WWOX: variants seen among roughly 807,000 people sequenced by gnomAD.
WWOX encodes the protein WW domain-containing oxidoreductase.
In WWOX, 69 loss-of-function variants were observed where a neutral mutation model predicts 46.2. The ratio of observed to expected loss-of-function variants is 1.49; its 90% CI spans 1.23 to 1.82. The LOEUF (loss-of-function observed/expected upper bound fraction) is 1.82. WWOX is among the 40% of genes most tolerant of loss of function. WWOX has a pLI of 0.00. For synonymous variants in WWOX, 359 were observed against 202.6 expected, an observed-to-expected ratio of 1.77 and a Z score of -6.56; for missense variants, 919 against 542.6, an observed-to-expected ratio of 1.69 and a Z score of -6.89.
chr16:78,338,796 G>A (rs1250576775), intron 5 of WWOX, among the ~76,000 whole-genome samples: 1 of 120,002 alleles, frequency 8.3e-6, no homozygotes, highest in Non-Finnish European at 2.0e-5. Flanking sequence ...GTTTTGCTAT[G>A]CCATTCATTC....
chr16:79,134,091 G>GT lies in WWOX; in HGVS notation c.1057-77508dup, dbSNP rs201777662. On this transcript the variant is annotated intron_variant, in intron 8 of 8. Transcript: ENST00000566780. ...TTGTCACTATGAAGAATGGGCCTGT[G>GT]TTTTTTTTTAAAAATATGCTGATCT... Among the ~76,000 whole-genome samples the GT allele has an allele frequency of 2.3e-3, 340 of 151,084 alleles. 1 individual carries two copies. Among genetic ancestry groups the GT allele is most frequent in the African/African-American group, 7.7e-3 (319 of 41,178 alleles).
chr16:78,992,035 G>A (rs1194256430), intron 8 of WWOX, among the ~76,000 whole-genome samples: 1 of 152,164 alleles, frequency 6.6e-6, no homozygotes, highest in Non-Finnish European at 1.5e-5. Flanking sequence ...CCCACTTTCA[G>A]GCTCTCCTTT....
At chr16:78,409,043 C>A (rs1028332482) in intron 6 of WWOX, among the ~76,000 whole-genome samples, 3 of 152,170 alleles carry the variant, frequency 2.0e-5, no homozygotes, top group African/African-American at 2.4e-5. Flanking sequence ...AAGGCTGCTG[C>A]TTATAGCTCT....
In WWOX at chr16:79,053,374, C is replaced by T. The variant is rs981964639; in HGVS notation, c.1057-158234C>T. Among the ~76,000 whole-genome samples, 4 of 152,124 alleles carry T rather than the reference C, an allele frequency of 2.6e-5. No individual in the cohort carries two copies. In the South Asian group the frequency reaches 6.2e-4, roughly 24 times the overall value. The stretch of plus-strand genomic sequence containing the variant: ...ACGTGGCCCTGCTTCTTAGTGCGCA[C>T]GTAAAGAAACAATCCTGGAGTGAAT... On this transcript the variant is annotated intron_variant, in intron 8 of 8. Transcript: ENST00000566780.
intron 8 of WWOX, among the ~76,000 whole-genome samples, chr16:78,920,509 C>G (rs981501966): frequency 3.9e-5 from 6 of 152,170 alleles, no homozygotes; most frequent in African/African-American, 1.2e-4. Flanking sequence ...ATCCCCAACC[C>G]AGCCCTCCTT....
chr16:79,195,279 C>G (rs1321364986), intron 8 of WWOX, among the ~76,000 whole-genome samples: 4 of 151,982 alleles, frequency 2.6e-5, no homozygotes, highest in Non-Finnish European at 4.4e-5. Flanking sequence ...ACGTAGCAAG[C>G]AGGATGGGGT....
intron 8 of WWOX, among the ~76,000 whole-genome samples, chr16:79,163,478 G>A (rs1330959309): frequency 6.6e-6 from 1 of 152,152 alleles, no homozygotes; most frequent in Non-Finnish European, 1.5e-5. Context: ...CTTGCACACA[G>A]TCAGTAATCA....
At chr16:78,964,421 T>G (rs1300821872) in intron 8 of WWOX, among the ~76,000 whole-genome samples, 1 of 152,172 alleles carries the variant, frequency 6.6e-6, no homozygotes. Context: ...CTGGCAGCAT[T>G]TTGCCCCTGC....
intron 5 of WWOX, among the ~76,000 whole-genome samples, chr16:78,299,981 C>T (rs1320557412): frequency 2.0e-5 from 3 of 152,124 alleles, no homozygotes; most frequent in Non-Finnish European, 4.4e-5. Context: ...AAAGGCTTGG[C>T]CGCAGTGTTG....
At chr16:78,420,390 TAAAC>T (rs1381220314) in intron 6 of WWOX, among the ~76,000 whole-genome samples, 1 of 152,106 alleles carries the variant, frequency 6.6e-6, no homozygotes, top group African/African-American at 2.4e-5. Context: ...GGTGAATGGA[TAAAC>T]AAAGCGTGGT....
At chr16:79,012,925 C>G (rs1412224808) in intron 8 of WWOX, among the ~76,000 whole-genome samples, 2 of 152,184 alleles carry the variant, frequency 1.3e-5, no homozygotes, top group African/African-American at 2.4e-5. Flanking sequence ...GGTGTGGTGG[C>G]TCATGCCTGT....
At chr16:78,502,140 C>T (rs1343865915) in intron 8 of WWOX, among the ~76,000 whole-genome samples, 2 of 152,216 alleles carry the variant, frequency 1.3e-5, no homozygotes, top group East Asian at 1.9e-4. Context: ...CAGGGCCTAT[C>T]TGCCCTTAGC....
chr16:79,118,507 G>A (rs185942955), intron 8 of WWOX, among the ~76,000 whole-genome samples: 54 of 152,282 alleles, frequency 3.5e-4, no homozygotes, highest in African/African-American at 1.3e-3. Flanking sequence ...AAATGGTGCC[G>A]ATAGTCTTCC....
chr16:78,549,076 A>T (rs927135195), intron 8 of WWOX, among the ~76,000 whole-genome samples: 2 of 152,214 alleles, frequency 1.3e-5, no homozygotes, highest in East Asian at 3.9e-4. Context: ...GTTAGAATAA[A>T]GTGAGGAAAA....
chr16:79,180,297 A>G (rs1259947542), intron 8 of WWOX, among the ~76,000 whole-genome samples: 1 of 152,220 alleles, frequency 6.6e-6, no homozygotes, highest in Non-Finnish European at 1.5e-5. Flanking sequence ...AGTGTGCACA[A>G]GGTGGAAGGT....
intron 8 of WWOX, among the ~76,000 whole-genome samples, chr16:78,527,380 G>A (rs2043500907): frequency 6.8e-6 from 1 of 147,076 alleles, no homozygotes; most frequent in African/African-American, 2.5e-5. Context: ...TGCCACCTCT[G>A]CCTCCTGTAA....
chr16:78,769,357 C>T (rs1316959408), intron 8 of WWOX, among the ~76,000 whole-genome samples: 2 of 152,194 alleles, frequency 1.3e-5, no homozygotes, highest in South Asian at 2.1e-4. Flanking sequence ...TCTCTTGCTC[C>T]GCCCCCTCTC....
chr16:78,151,251 A>G (rs973060898), intron 4 of WWOX, among the ~76,000 whole-genome samples: 1 of 152,074 alleles, frequency 6.6e-6, no homozygotes, highest in South Asian at 2.1e-4. Flanking sequence ...TTATATCACA[A>G]TATCACAAAT....
chr16:78,821,680 G>C (rs967238950), intron 8 of WWOX, among the ~76,000 whole-genome samples: 2 of 152,202 alleles, frequency 1.3e-5, no homozygotes, highest in African/African-American at 4.8e-5. Flanking sequence ...AGGTGACAAA[G>C]ACAGAGGCTC....
Sources: allele counts gnomAD v4.1 joint callset (sites outside exome capture counted in the v4.1 genomes callset), GRCh38; gene constraint gnomAD v4.1.1; transcripts MANE v1.5; gene names NCBI Gene and HGNC (gene_info 2026-07-23, HGNC 2026-07-21).